The following FURIN variants were observed in gnomAD, a reference collection of about 807,000 sequenced individuals.
The protein encoded by FURIN is furin, paired basic amino acid cleaving enzyme.
Under a neutral mutation model 89.2 loss-of-function variants are expected in FURIN, and 18 were observed. The observed-to-expected ratio is 0.20, with a 90% confidence interval of 0.14 to 0.30. The LOEUF is 0.30. Among genes scored for constraint, FURIN ranks in the 10% least tolerant of loss-of-function variants. The pLI, the probability that FURIN is intolerant of heterozygous loss-of-function variation, is 1.00. For synonymous variants in FURIN, 508 were observed against 466.4 expected, an observed-to-expected ratio of 1.09 and a Z score of -1.15; for missense variants, 879 against 1,100.5, an observed-to-expected ratio of 0.80 and a Z score of 2.85.
At chr15:90,873,379 G>A (rs1048480206) in intron 1 of FURIN, among the ~76,000 whole-genome samples, 1 of 152,108 alleles carries the variant, frequency 6.6e-6, no homozygotes, top group Non-Finnish European at 1.5e-5. Context: ...CACTTTTAAC[G>A]CCAAACAGCT....
chr15:90,872,139 G>A (rs2031347944), intron 1 of FURIN, among the ~76,000 whole-genome samples: 1 of 151,442 alleles, frequency 6.6e-6, no homozygotes, highest in African/African-American at 2.4e-5. Context: ...CGAGGCGGGG[G>A]CTCCTTCGCT....
At chr15:90,878,453 G>A (rs1480835965) in intron 8 of FURIN, 149 bp downstream of exon 8, 2 of 742,326 alleles carry the variant, frequency 2.7e-6, no homozygotes, top group Non-Finnish European at 4.3e-6. Flanking sequence ...AAGAAGAGTA[G>A]AGTGCATATA....
At chr15:90,873,105 C>CA (rs2031408126) in intron 1 of FURIN, 1 of 152,290 alleles carries the variant, frequency 6.6e-6, no homozygotes, top group South Asian at 2.1e-4. Context: ...GAGGGTGAGT[C>CA]AGAGTCTGGG....
Position 90,881,885 on chromosome 15 carries a change from CA to C in FURIN, c.*8del. The C allele has an allele frequency of 6.4e-7, 1 of 1,574,076 alleles. No individual in the cohort carries two copies. The highest frequency in any genetic ancestry group is 8.7e-7 in the Non-Finnish European group (1 of 1,149,456). Reference sequence around the variant, plus strand: ...AGACCAGAGCGCCCTCTGATGAGCCCACTGCCCACCCCCTCAAGCCAATCCC... The same window carrying C: ...AGACCAGAGCGCCCTCTGATGAGCCCCTGCCCACCCCCTCAAGCCAATCCC... On this transcript the variant is annotated 3_prime_UTR_variant, in exon 16 of 16. Transcript: ENST00000268171. The surrounding 1 kb of genome is among the most constrained non-coding windows in gnomAD (Gnocchi z 4.3).
At chr15:90,872,391 G>T (rs2031365469) in intron 1 of FURIN, among the ~76,000 whole-genome samples, 1 of 152,150 alleles carries the variant, frequency 6.6e-6, no homozygotes, top group Non-Finnish European at 1.5e-5. Flanking sequence ...CCCCTGGGGT[G>T]CAGACCCTCA....
chr15:90,875,008 C>T (rs1249548855), intron 1 of FURIN, among the ~76,000 whole-genome samples: 1 of 147,658 alleles, frequency 6.8e-6, no homozygotes, highest in Non-Finnish European at 1.5e-5. Context: ...TGATAGTCTT[C>T]ATCCTGCTTC....
chr15:90,875,835 A>G lies in FURIN; in HGVS notation c.95A>G (p.Asn32Ser), dbSNP rs999978544. Reference sequence around the variant, plus strand: ...GCTCAGGGCCAGAAGGTCTTCACCAACACGTGGGCTGTGCGCATCCCTGGA... The same window carrying G: ...GCTCAGGGCCAGAAGGTCTTCACCAGCACGTGGGCTGTGCGCATCCCTGGA... ...ADAQGQKVFT[N>S]TWAVRIPGGP... The change falls in exon 2 of 16, where the codon AAC (asparagine) becomes AGC (serine). Residue 32 changes from asparagine to serine, a missense_variant. Asn to Ser is a conservative substitution (Grantham distance 46, BLOSUM62 1). This residue lies in a region of FURIN where 125 missense variants were observed against 125.0 expected (regional missense o/e 1.00). Transcript: ENST00000268171. 1.6e-5 allele frequency: 25 copies of G among 1,575,296 alleles called. No homozygotes were observed. The highest frequency in any genetic ancestry group is 2.3e-5 in the East Asian group (1 of 43,712).
chr15:90,879,012 G>C (rs1224998540), intron 9 of FURIN, 36 bp downstream of exon 9: 1 of 1,332,826 alleles, frequency 7.5e-7, no homozygotes, highest in East Asian at 2.5e-5. Context: ...TGGGGAGATG[G>C]GGCTGCTGGC....
intron 1 of FURIN, 111 bp from the exon 2 acceptor site, chr15:90,875,471 C>T (rs546357652): frequency 2.6e-6 from 1 of 383,638 alleles, no homozygotes; most frequent in East Asian, 4.2e-5. Context: ...CCCTTCTCCC[C>T]CAGATCTCAT....
At position 90,877,358 on chromosome 15, in the gene FURIN, G is replaced by A. The variant is rs185569469; in HGVS notation, c.578+147G>A. On this transcript the variant is annotated intron_variant, in intron 6 of 15. Coordinates refer to ENST00000268171, the MANE Select transcript of FURIN (RefSeq NM_002569.4). ...CACCTGGGGCTCTGAGGGAGGGCTC[G>A]GTCAGAGTGGAGATGGCCACAGGCC... is the stretch of plus-strand genomic sequence containing the variant. 15 of 919,280 alleles carry A rather than the reference G, an allele frequency of 1.6e-5. No individual in the cohort carries two copies. The East Asian group carries it at 1.9e-4, about 11-fold the overall frequency. The allele number at this position is 919,280 out of a possible 1,614,324, so 56.9% of individuals were successfully genotyped here. A position where few individuals can be genotyped will look rare whatever the true frequency, so the allele number is the denominator to read the frequency against.
Position 90,882,028 on chromosome 15 carries a change from T to G in FURIN, c.*150T>G. On this transcript the variant is annotated 3_prime_UTR_variant, in exon 16 of 16. Transcript: ENST00000268171. Reference sequence around the variant, plus strand: ...TTCCCATCCTACCCTCGGGCCCACCTGGCCACCTGAGGTGGGCCCAGGACC... The same window carrying G: ...TTCCCATCCTACCCTCGGGCCCACCGGGCCACCTGAGGTGGGCCCAGGACC... 10 of 627,562 alleles carry G rather than the reference T, an allele frequency of 1.6e-5. No individual in the cohort carries two copies. The highest frequency in any genetic ancestry group is 2.9e-5 in the East Asian group (1 of 34,564). The allele number at this position is 627,562 out of a possible 1,614,324, so 38.9% of individuals were successfully genotyped here. A position where few individuals can be genotyped will look rare whatever the true frequency, so the allele number is the denominator to read the frequency against.
In FURIN at chr15:90,868,713, T is replaced by C. The variant is rs1596071944; in HGVS notation, c.-160+2T>C. 1 of 152,168 alleles carries C rather than the reference T, an allele frequency of 6.6e-6. No homozygotes were observed. The highest frequency in any genetic ancestry group is 1.9e-4 in the East Asian group (1 of 5,200). The allele number at this position is 152,168 out of a possible 1,614,324, so 9.4% of individuals were successfully genotyped here. A position where few individuals can be genotyped will look rare whatever the true frequency, so the allele number is the denominator to read the frequency against. On this transcript the variant is annotated splice_donor_variant, in intron 1 of 15. Transcript: ENST00000268171. LOFTEE classifies it low-confidence loss of function (5UTR_SPLICE). ...GGTGCTCTGGAGCTGGATGGTGAAGTATGGACATGCTTTATTCGATTTTGC... is the reference window on the plus strand; with the variant it reads ...GGTGCTCTGGAGCTGGATGGTGAAGCATGGACATGCTTTATTCGATTTTGC...
intron 1 of FURIN, 41 bp from the exon 2 acceptor site, chr15:90,875,541 A>G (rs1348885541): frequency 2.0e-6 from 1 of 512,200 alleles, no homozygotes; most frequent in Non-Finnish European, 3.4e-6. Flanking sequence ...GCAGGGGAGG[A>G]ACTGACCCTC....
Position 90,880,135 on chromosome 15 carries a change from C to T in FURIN, c.1418C>T (p.Ala473Val), listed in dbSNP as rs372744828. The T allele has an allele frequency of 8.7e-6, 14 of 1,609,870 alleles. No individual in the cohort carries two copies. The African/African-American group carries it at 9.3e-5, about 11-fold the overall frequency. ...CTCGAGGTGCGGAAGACCGTGACCG[C>T]GTGCCTGGGCGAGCCCAACCACATC... ...KRLEVRKTVT[A>V]CLGEPNHITR... The change falls in exon 13 of 16, where the codon GCG (alanine) becomes GTG (valine). Residue 473 changes from alanine to valine, a missense_variant. Ala to Val is a moderately conservative substitution (Grantham distance 64). Transcript: ENST00000268171.
Position 90,879,560 on chromosome 15 carries a change from C to T in FURIN, c.1154+16C>T, listed in dbSNP as rs773170091. On this transcript the variant is annotated intron_variant, in intron 10 of 15. Transcript: ENST00000268171. ...TGGAGGCCAAGTAAGTGGGTGGGGG[C>T]CAGCGGCAACCCTGTCCCTACCAGC... 1.3e-6 allele frequency: 2 copies of T among 1,577,362 alleles called. No individual in the cohort carries two copies. Among genetic ancestry groups the T allele is most frequent in the East Asian group, 2.2e-5 (1 of 44,732 alleles).
intron 1 of FURIN, among the ~76,000 whole-genome samples, chr15:90,870,566 G>A (rs1041931265): frequency 3.9e-5 from 6 of 152,168 alleles, no homozygotes; most frequent in Admixed American, 6.5e-5. Context: ...GAAGAGATGG[G>A]CACAGGCTAC....
intron 1 of FURIN, among the ~76,000 whole-genome samples, chr15:90,874,800 G>C (rs2031514742): frequency 6.6e-6 from 1 of 152,194 alleles, no homozygotes. Context: ...ACCATCTTGA[G>C]AGAACCACCG....
At chr15:90,874,432 C>T (rs941224650) in intron 1 of FURIN, among the ~76,000 whole-genome samples, 1 of 152,220 alleles carries the variant, frequency 6.6e-6, no homozygotes, top group African/African-American at 2.4e-5. Flanking sequence ...CCCCAGCGTT[C>T]CCCAGGAAAC....
In FURIN at chr15:90,876,738, C is replaced by G. The variant is rs561322743; in HGVS notation, c.373-158C>G. ...GCCTGGGGGTGGCCCTCCCAGAGTC[C>G]TCTACATTCCCATGGAGTCCAGACA... is the stretch of plus-strand genomic sequence containing the variant. On this transcript the variant is annotated intron_variant, in intron 4 of 15. Coordinates refer to ENST00000268171, the MANE Select transcript of FURIN (RefSeq NM_002569.4). This position sits in a 1 kb window ranked among gnomAD's most constrained non-coding sequence, Gnocchi z 5.0. 3.9e-5 allele frequency among the ~76,000 whole-genome samples: 6 copies of G among 152,304 alleles called. No homozygotes were observed. The East Asian group carries it at 1.2e-3, about 29-fold the overall frequency.
Sources: gnomAD v4.1 joint callset for allele counts (sites outside exome capture counted in the v4.1 genomes callset) on GRCh38, gnomAD v4.1.1 for gene constraint, gnomAD v4.1.1 regional missense constraint, Gnocchi (gnomAD v3.1) non-coding constraint, MANE v1.5 for transcripts, NCBI Gene and HGNC (gene_info 2026-07-23, HGNC 2026-07-21) for gene names.